Variants in TXNDC12 observed in about 807,000 individuals in gnomAD.
The protein encoded by TXNDC12 is thioredoxin domain-containing protein 12.
In TXNDC12, 22 loss-of-function variants were observed where a neutral mutation model predicts 24.2. That is an observed-to-expected ratio of 0.91 (90% CI 0.65 to 1.30). The LOEUF is 1.30. Ranked by LOEUF, TXNDC12 falls within the 50% of genes most tolerant of loss-of-function variation. The pLI is 0.00. For synonymous variants in TXNDC12, 58 were observed against 73.4 expected (o/e 0.79, Z 1.07); for missense variants, 184 against 205.8 (o/e 0.89, Z 0.65).
At chr1:52,042,204 CTATTT>C (rs1400783832) in intron 1 of TXNDC12, among the ~76,000 whole-genome samples, 1 of 152,156 alleles carries the variant, frequency 6.6e-6, no homozygotes, top group Non-Finnish European at 1.5e-5. Context: ...AGTAATCTTC[CTATTT>C]TATTTTTTGA....
chr1:52,050,907 C>T (rs1191825394), intron 1 of TXNDC12: 1 of 169,728 alleles, frequency 5.9e-6, no homozygotes, highest in Non-Finnish European at 1.5e-5. Flanking sequence ...CTCCCAATGA[C>T]AGCTTTCTAG....
Position 52,033,554 on chromosome 1 carries a change from G to A in TXNDC12, c.159-4924C>T, listed in dbSNP as rs1206964681. ...AGGATGACCACGTCGTGGCGACTCAGGCGCCGTTCCACGGAGGCTCGCAGA... is the reference window on the plus strand; with the variant it reads ...AGGATGACCACGTCGTGGCGACTCAAGCGCCGTTCCACGGAGGCTCGCAGA... On this transcript the variant is annotated intron_variant, in intron 2 of 6. Coordinates refer to ENST00000371626, the MANE Select transcript of TXNDC12 (RefSeq NM_015913.4). 5 of 1,613,824 alleles carry A rather than the reference G, an allele frequency of 3.1e-6. No individual in the cohort carries two copies. The Admixed American group carries it at 6.7e-5, about 22-fold the overall frequency.
At chr1:52,028,253 T>A (rs1207562116) in intron 3 of TXNDC12, among the ~76,000 whole-genome samples, 1 of 152,222 alleles carries the variant, frequency 6.6e-6, no homozygotes, top group African/African-American at 2.4e-5. Flanking sequence ...CAGAGTCAGA[T>A]AACTTGGGTT....
In TXNDC12 at chr1:52,055,168, T is replaced by C; in HGVS notation, c.-72A>G. On this transcript the variant is annotated 5_prime_UTR_variant, in exon 1 of 7. Transcript: ENST00000371626. Reference sequence around the variant, plus strand: ...AGTCCCAGCAGACGGTCCACACAGTTCGCCGAGCGCCGCTCAGCACAACAC... The same window carrying C: ...AGTCCCAGCAGACGGTCCACACAGTCCGCCGAGCGCCGCTCAGCACAACAC... 9.2e-7 allele frequency: 1 copy of C among 1,084,464 alleles called. No individual in the cohort carries two copies. The highest frequency in any genetic ancestry group is 1.4e-6 in the Non-Finnish European group (1 of 707,190). 67.2% of individuals were successfully genotyped at this position (1,084,464 alleles called of 1,614,324 possible).
At chr1:52,047,153 A>G (rs746840518) in intron 1 of TXNDC12, among the ~76,000 whole-genome samples, 1 of 152,162 alleles carries the variant, frequency 6.6e-6, no homozygotes, top group Non-Finnish European at 1.5e-5. Context: ...TCACTGGTAA[A>G]ATATTGGTGA....
At chr1:52,033,696 G>A (rs758378678) in intron 2 of TXNDC12, 8 of 1,611,188 alleles carry the variant, frequency 5.0e-6, no homozygotes, top group South Asian at 3.3e-5. Flanking sequence ...CCAGCGCCAC[G>A]CGCAACTCTT....
intron 2 of TXNDC12, chr1:52,033,371 T>G: frequency 6.2e-7 from 1 of 1,613,634 alleles, no homozygotes; most frequent in Non-Finnish European, 8.5e-7. Flanking sequence ...CAACTCACAC[T>G]GACGTTCCGG....
intron 1 of TXNDC12, among the ~76,000 whole-genome samples, chr1:52,043,453 CTGT>C (rs1302974910): frequency 2.0e-5 from 3 of 152,202 alleles, no homozygotes; most frequent in Non-Finnish European, 4.4e-5. Flanking sequence ...ATGCTAGCTG[CTGT>C]TTACTGACCA....
At position 52,024,573 on chromosome 1, in the gene TXNDC12, C is replaced by A. The variant is rs537933709; in HGVS notation, c.292G>T (p.Glu98Ter). 7 of 1,609,482 alleles carry A rather than the reference C, an allele frequency of 4.3e-6. No individual in the cohort carries two copies. The African/African-American group carries it at 8.0e-5, about 18-fold the overall frequency. The change falls in exon 5 of 7, where the codon GAG (glutamate) becomes TAG (stop). Residue 98 changes from glutamate (E) to a stop codon, truncating the protein, a stop_gained. Transcript: ENST00000371626. LOFTEE classifies it high-confidence loss of function. ...NFVMVNLEDEEEPKDEDFSPD... is the reference protein window; with the variant it reads ...NFVMVNLEDE ...CTGAAATCTTCATCTTTGGGTTCCT[C>A]TTCATCCTATTAAGATTAAATGTAA...
At chr1:52,022,638 T>G (rs1381312876) in intron 6 of TXNDC12, among the ~76,000 whole-genome samples, 3 of 142,934 alleles carry the variant, frequency 2.1e-5, no homozygotes, top group Non-Finnish European at 3.1e-5. Flanking sequence ...TTTTTTGGTT[T>G]TTTTTTTTTT....
At chr1:52,053,508 C>A (rs1428047383) in intron 1 of TXNDC12, among the ~76,000 whole-genome samples, 1 of 151,474 alleles carries the variant, frequency 6.6e-6, no homozygotes, top group East Asian at 1.9e-4. Context: ...ACTAAAAATA[C>A]AAAAAATTAG....
In TXNDC12 at chr1:52,033,236, G is replaced by T. The variant is rs776375416; in HGVS notation, c.159-4606C>A. On this transcript the variant is annotated intron_variant, in intron 2 of 6. Transcript: ENST00000371626. The stretch of plus-strand genomic sequence containing the variant: ...GACTCCGCAGCCCCGGATTCTTCTC[G>T]CTCCAGTTCCTTGGGTACGTCGGCC... The T allele has an allele frequency of 1.9e-5, 30 of 1,613,904 alleles. No individual in the cohort carries two copies. The Admixed American group carries it at 5.0e-4, about 27-fold the overall frequency.
intron 2 of TXNDC12, among the ~76,000 whole-genome samples, chr1:52,037,589 G>T (rs1487840434): frequency 6.6e-6 from 1 of 152,154 alleles, no homozygotes; most frequent in Non-Finnish European, 1.5e-5. Flanking sequence ...AACATCAAAA[G>T]AACTTTAAAA....
chr1:52,045,676 G>C (rs1046407941), intron 1 of TXNDC12, among the ~76,000 whole-genome samples: 1 of 152,172 alleles, frequency 6.6e-6, no homozygotes. Flanking sequence ...AAAACACATA[G>C]AATGTACAAC....
intron 1 of TXNDC12, among the ~76,000 whole-genome samples, chr1:52,046,226 A>G (rs1686086848): frequency 6.6e-6 from 1 of 150,922 alleles, no homozygotes; most frequent in African/African-American, 2.4e-5. Flanking sequence ...AGTTTGTGGT[A>G]CTTTCTTACT....
intron 2 of TXNDC12, among the ~76,000 whole-genome samples, chr1:52,035,772 T>A (rs1685870324): frequency 6.6e-6 from 1 of 152,136 alleles, no homozygotes. Flanking sequence ...CCCTGCCTTT[T>A]CCTCCTCCTT....
intron 1 of TXNDC12, among the ~76,000 whole-genome samples, chr1:52,047,429 G>A (rs1171910521): frequency 1.3e-5 from 2 of 152,152 alleles, no homozygotes; most frequent in Non-Finnish European, 2.9e-5. Context: ...AGTCCCCTAG[G>A]AGAGAATCAG....
intron 2 of TXNDC12, among the ~76,000 whole-genome samples, chr1:52,039,114 C>T (rs999006867): frequency 7.5e-5 from 10 of 133,040 alleles, no homozygotes; most frequent in Non-Finnish European, 1.6e-4. Context: ...AAAAAGGGTT[C>T]ATTTATCTTG....
chr1:52,042,454 T>C (rs1004088192), intron 1 of TXNDC12, among the ~76,000 whole-genome samples: 3 of 150,448 alleles, frequency 2.0e-5, no homozygotes, highest in Non-Finnish European at 4.4e-5. Context: ...CACCCTATAC[T>C]ATACTTTCAC....
Sources: gnomAD v4.1 joint callset for allele counts (sites outside exome capture counted in the v4.1 genomes callset) on GRCh38, gnomAD v4.1.1 for gene constraint, MANE v1.5 for transcripts, NCBI Gene and HGNC (gene_info 2026-07-23, HGNC 2026-07-21) for gene names.